Variants in SYNPR observed in about 807,000 individuals in gnomAD.
SYNPR encodes synaptoporin.
A neutral mutation model predicts 32.9 loss-of-function variants in SYNPR; 23 were observed. The observed-to-expected ratio is 0.70, with a 90% CI of 0.50 to 0.99. SYNPR has a LOEUF of 0.99. Ranked by LOEUF, SYNPR falls within the 50% of genes least tolerant of loss-of-function variation. The pLI, the probability that SYNPR is intolerant of heterozygous loss-of-function variation, is 0.00. For synonymous variants in SYNPR, 146 were observed against 135.9 expected (o/e 1.07, Z -0.52); for missense variants, 318 against 349.3 (o/e 0.91, Z 0.71).
At chr3:63,369,707 G>C (rs1560207718) in intron 2 of SYNPR, among the ~76,000 whole-genome samples, 9 of 152,198 alleles carry the variant, frequency 5.9e-5, no homozygotes. Flanking sequence ...GCGAAGCAGA[G>C]AGGCTTTGAC....
intron 2 of SYNPR, among the ~76,000 whole-genome samples, chr3:63,292,654 T>A (rs530466719): frequency 3.8e-4 from 58 of 152,334 alleles, no homozygotes; most frequent in Middle Eastern, 6.8e-3. Flanking sequence ...TAGTGGCACA[T>A]AGGAAACATT....
At chr3:63,398,829 A>G (rs2088252692) in intron 2 of SYNPR, among the ~76,000 whole-genome samples, 1 of 152,214 alleles carries the variant, frequency 6.6e-6, no homozygotes, top group Non-Finnish European at 1.5e-5. Context: ...GGAATATCTG[A>G]GGGGACCACA....
chr3:63,413,023 G>C (rs185885527), intron 2 of SYNPR, among the ~76,000 whole-genome samples: 3 of 152,094 alleles, frequency 2.0e-5, no homozygotes, highest in African/African-American at 4.8e-5. Flanking sequence ...AAGTGTTCAC[G>C]TCATTATCTT....
chr3:63,615,284 A>T lies in SYNPR; in HGVS notation c.661A>T (p.Thr221Ser). The change falls in exon 6 of 6, where the codon ACC becomes TCC. Residue 221 changes from threonine (T) to serine (S), a missense_variant. Physicochemically the swap from Thr to Ser is moderately conservative, Grantham distance 58. Transcript: ENST00000478300. ...AGNIWFVFKETGWHSSGQRYL... is the reference protein window; with the variant it reads ...AGNIWFVFKESGWHSSGQRYL... ...AAACATATGGTTTGTTTTCAAGGAG[A>T]CCGGCTGGCATTCTTCGGGACAGAG... 6.2e-7 allele frequency: 1 copy of T among 1,613,736 alleles called. No homozygotes were observed. The highest frequency in any genetic ancestry group is 2.2e-5 in the East Asian group (1 of 44,864).
intron 2 of SYNPR, among the ~76,000 whole-genome samples, chr3:63,264,717 A>T (rs747040794): frequency 7.9e-5 from 12 of 152,206 alleles, no homozygotes; most frequent in Non-Finnish European, 1.8e-4. Flanking sequence ...AAGAGGTTCA[A>T]TTGACTCACA....
chr3:63,367,436 T>C (rs905755846), intron 2 of SYNPR, among the ~76,000 whole-genome samples: 2 of 152,074 alleles, frequency 1.3e-5, no homozygotes, highest in African/African-American at 2.4e-5. Flanking sequence ...CTCGGGTTAC[T>C]GCACCCTCCA....
At chr3:63,290,555 C>T (rs1688535264) in intron 2 of SYNPR, among the ~76,000 whole-genome samples, 1 of 131,012 alleles carries the variant, frequency 7.6e-6, no homozygotes, top group Admixed American at 7.5e-5. Flanking sequence ...TTTTACTGAA[C>T]TTGTGTATCT....
rs78861156 is a variant in SYNPR at position 63,236,673 on chromosome 3, A to G, written n.66+8293A>G. Among the ~76,000 whole-genome samples, 1,368 of 152,152 alleles carry G rather than the reference A, an allele frequency of 9.0e-3. 13 individuals carry two copies. Among genetic ancestry groups the G allele is most frequent in the East Asian group, 0.053 (272 of 5,164 alleles). The stretch of plus-strand genomic sequence containing the variant: ...TTCTGATTTTCCTGTGTTCATTGTG[A>G]GTATATAAAAATGTCTGTGATTTTT... On this transcript the variant is annotated intron_variant and non_coding_transcript_variant, in intron 1 of 4. Coordinates refer to the SYNPR transcript ENST00000478456.
rs547249771 is a variant in SYNPR, at chr3:63,404,662, C to T, written c.85-76170C>T. Among the ~76,000 whole-genome samples, 4 of 152,122 alleles carry T rather than the reference C, an allele frequency of 2.6e-5. No individual in the cohort carries two copies. The East Asian group carries it at 7.7e-4, about 29-fold the overall frequency. On this transcript the variant is annotated intron_variant, in intron 2 of 5. Coordinates refer to ENST00000478300, the MANE Select transcript of SYNPR (RefSeq NM_001130003.2). ...AACTTGTATGATCATGATCATTCTA[C>T]TTTATAAGATATTTTAATTATATTT...
At chr3:63,459,798 C>A (rs990310247) in intron 2 of SYNPR, among the ~76,000 whole-genome samples, 1 of 152,080 alleles carries the variant, frequency 6.6e-6, no homozygotes, top group Non-Finnish European at 1.5e-5. Context: ...TACACAGACT[C>A]TGTAGTCTCT....
chr3:63,264,681 C>T (rs1253653312), intron 2 of SYNPR, among the ~76,000 whole-genome samples: 1 of 152,128 alleles, frequency 6.6e-6, no homozygotes, highest in African/African-American at 2.4e-5. Flanking sequence ...TGAGGAAATA[C>T]CCCAGACTGG....
At chr3:63,464,718 C>T (rs189183012) in intron 2 of SYNPR, among the ~76,000 whole-genome samples, 55 of 152,290 alleles carry the variant, frequency 3.6e-4, no homozygotes, top group Admixed American at 3.5e-3. Flanking sequence ...CCAGTTTTCT[C>T]CAGCTCATGC....
the SYNPR span, among the ~76,000 whole-genome samples, chr3:63,211,704 CTTTCT>C: frequency 9.7e-5 from 7 of 71,860 alleles, no homozygotes; most frequent in African/African-American, 2.0e-4. Flanking sequence ...AAGCTTGAAT[CTTTCT>C]TTTTTTTTTT....
intron 3 of SYNPR, among the ~76,000 whole-genome samples, chr3:63,533,631 T>C (rs11130942): frequency 0.25 from 37,597 of 151,930 alleles, 4,753 homozygotes; most frequent in East Asian, 0.33. Context: ...CTCCAAAACA[T>C]ACAGGAAACA....
chr3:63,266,867 T>A (rs992791605), intron 2 of SYNPR, among the ~76,000 whole-genome samples: 25 of 152,080 alleles, frequency 1.6e-4, no homozygotes, highest in Non-Finnish European at 3.1e-4. Context: ...CATGGTACTC[T>A]TAGGGAATTA....
intron 3 of SYNPR, among the ~76,000 whole-genome samples, chr3:63,272,966 T>C (rs1461357649): frequency 1.3e-5 from 2 of 152,110 alleles, no homozygotes; most frequent in South Asian, 2.1e-4. Flanking sequence ...TGCAAAAACA[T>C]GGGAGTGATC....
intron 2 of SYNPR, among the ~76,000 whole-genome samples, chr3:63,258,207 T>C (rs538135120): frequency 3.0e-4 from 46 of 152,330 alleles, no homozygotes; most frequent in Non-Finnish European, 5.9e-4. Context: ...AACTCAGCTC[T>C]GCACCAAGCG....
chr3:63,231,445 CA>C (rs1164977884), intron 1 of SYNPR, among the ~76,000 whole-genome samples: 1 of 151,990 alleles, frequency 6.6e-6, no homozygotes, highest in African/African-American at 2.4e-5. Flanking sequence ...ATCTGTACAC[CA>C]AAAACCACCT....
chr3:63,547,860 T>C (rs929628248), intron 3 of SYNPR, among the ~76,000 whole-genome samples: 3 of 152,156 alleles, frequency 2.0e-5, no homozygotes, highest in African/African-American at 7.2e-5. Context: ...TTAATAGTAA[T>C]CACTTGATCA....
Sources: gnomAD v4.1 joint callset for allele counts (sites outside exome capture counted in the v4.1 genomes callset) on GRCh38, gnomAD v4.1.1 for gene constraint, MANE v1.5 for transcripts, NCBI Gene and HGNC (gene_info 2026-07-23, HGNC 2026-07-21) for gene names.